The following CYP4X1 variants were observed in gnomAD, a reference collection of about 807,000 sequenced individuals.
CYP4X1 encodes cytochrome P450 family 4 subfamily X member 1.
In CYP4X1, 44 loss-of-function variants were observed where a neutral mutation model predicts 57.9. The ratio of observed to expected loss-of-function variants is 0.76; its 90% CI spans 0.60 to 0.98. The LOEUF is 0.98. Among genes scored for constraint, CYP4X1 ranks in the 50% least tolerant of loss-of-function variants. The pLI, the probability that CYP4X1 is intolerant of heterozygous loss-of-function variation, is 0.00. For synonymous variants in CYP4X1, 227 were observed against 228.6 expected (o/e 0.99, Z 0.06); for missense variants, 532 against 623.9 (o/e 0.85, Z 1.57).
Position 47,038,714 on chromosome 1 carries a change from A to C in CYP4X1, c.830A>C (p.Asn277Thr). Residue 277 changes from asparagine to threonine, a missense_variant, in exon 7 of 12, where the codon AAC becomes ACC. Coordinates refer to ENST00000371901, the MANE Select transcript of CYP4X1 (RefSeq NM_178033.2). ...KSLQAGVKQD[N>T]TPKRKYQDFL... ...CTCCAGGCTGGGGTAAAGCAGGATA[A>C]CACTCCGAAGAGGAAGTACCAGGAT... 1 of 1,611,874 alleles carries C rather than the reference A, an allele frequency of 6.2e-7. No homozygotes were observed. The highest frequency in any genetic ancestry group is 8.5e-7 in the Non-Finnish European group (1 of 1,179,010).
the CYP4X1 span, among the ~76,000 whole-genome samples, chr1:46,989,429 T>C: frequency 2.4e-4 from 37 of 152,130 alleles, no homozygotes; most frequent in Non-Finnish European, 4.6e-4. Context: ...GAACATTCCA[T>C]ACTCATGGAT....
intron 2 of CYP4X1, among the ~76,000 whole-genome samples, chr1:47,030,752 T>A (rs1644116011): frequency 6.6e-6 from 1 of 152,226 alleles, no homozygotes. Flanking sequence ...GGTTTTTATA[T>A]TCCAGTCTTC....
chr1:46,987,925 G>C, the CYP4X1 span, among the ~76,000 whole-genome samples: 3 of 152,114 alleles, frequency 2.0e-5, no homozygotes, highest in African/African-American at 7.2e-5. Context: ...GCCCACAAGA[G>C]AAAGTAGAAA....
chr1:46,976,536 AG>A, the CYP4X1 span, among the ~76,000 whole-genome samples: 1 of 152,196 alleles, frequency 6.6e-6, no homozygotes, highest in Non-Finnish European at 1.5e-5. Context: ...GCTGAACAAA[AG>A]GTAGCAGAAA....
chr1:46,989,521 G>A, the CYP4X1 span, among the ~76,000 whole-genome samples: 1 of 152,110 alleles, frequency 6.6e-6, no homozygotes, highest in Non-Finnish European at 1.5e-5. Context: ...AGCTACCATT[G>A]ACTTTCTTCA....
the CYP4X1 span, among the ~76,000 whole-genome samples, chr1:46,977,644 C>T: frequency 1.1e-4 from 16 of 151,940 alleles, no homozygotes; most frequent in East Asian, 3.9e-4. Flanking sequence ...AGATACTCCA[C>T]GACAAGAGCA....
At chr1:47,051,155 G>A (rs1644357439), downstream of CYP4X1, among the ~76,000 whole-genome samples, 1 of 152,184 alleles carries the variant, frequency 6.6e-6, no homozygotes, top group Non-Finnish European at 1.5e-5. Context: ...GGCCATCAGA[G>A]AAATGCAAAT....
the CYP4X1 span, among the ~76,000 whole-genome samples, chr1:46,974,781 TG>T: frequency 1.3e-5 from 2 of 152,192 alleles, no homozygotes; most frequent in African/African-American, 4.8e-5. Flanking sequence ...TCTATTTTCT[TG>T]GTAGATCTTT....
chr1:47,009,046 C>T, the CYP4X1 span, among the ~76,000 whole-genome samples: 1 of 152,182 alleles, frequency 6.6e-6, no homozygotes, highest in African/African-American at 2.4e-5. Context: ...AGGAATTGAA[C>T]TCAGCTCTGC....
chr1:46,993,179 G>T, the CYP4X1 span, among the ~76,000 whole-genome samples: 1 of 148,122 alleles, frequency 6.8e-6, no homozygotes. Context: ...GAGAACATGC[G>T]GTGTTTGGTT....
At chr1:47,039,723 A>T (rs956847594) in intron 8 of CYP4X1, 191 bp downstream of exon 8, 1 of 373,700 alleles carries the variant, frequency 2.7e-6, no homozygotes, top group Non-Finnish European at 4.6e-6. Flanking sequence ...AAAAAAAAAA[A>T]GTTTATTTAT....
rs370801040 is a variant in CYP4X1, at chr1:47,026,916, C to T, written c.177+2922C>T. ...ATTTTCAGTAGAGACGGGGTTTCACCATATTGGCCAGGCTAGTCTCGAACT... is the reference window on the plus strand; with the variant it reads ...ATTTTCAGTAGAGACGGGGTTTCACTATATTGGCCAGGCTAGTCTCGAACT... On this transcript the variant is annotated intron_variant, in intron 1 of 11. Coordinates refer to ENST00000371901, the MANE Select transcript of CYP4X1 (RefSeq NM_178033.2). 3.7e-3 allele frequency among the ~76,000 whole-genome samples: 560 copies of T among 151,472 alleles called. 8 individuals are homozygous for T. Among genetic ancestry groups the T allele is most frequent in the African/African-American group, 0.013 (531 of 41,500 alleles).
the CYP4X1 span, among the ~76,000 whole-genome samples, chr1:46,964,359 T>A: frequency 1.3e-5 from 2 of 152,188 alleles, no homozygotes; most frequent in African/African-American, 4.8e-5. Flanking sequence ...TTTTATCCCC[T>A]TCTTTGTGGT....
the CYP4X1 span, among the ~76,000 whole-genome samples, chr1:47,006,773 C>T: frequency 6.6e-6 from 1 of 152,198 alleles, no homozygotes; most frequent in African/African-American, 2.4e-5. Context: ...AACGGCACAC[C>T]AGGAGATTAT....
chr1:47,054,420 A>T (rs575258354), downstream of CYP4X1, among the ~76,000 whole-genome samples: 363 of 152,154 alleles, frequency 2.4e-3, 1 homozygote, highest in Admixed American at 4.8e-3. Flanking sequence ...TTGGTTCCAT[A>T]TGAACTTTAA....
At chr1:46,977,839 G>A in the CYP4X1 span, among the ~76,000 whole-genome samples, 13 of 152,014 alleles carry the variant, frequency 8.6e-5, no homozygotes, top group Admixed American at 3.9e-4. Flanking sequence ...TTAAAAAAAA[G>A]AATTTTCAAC....
chr1:46,994,660 T>C, the CYP4X1 span, among the ~76,000 whole-genome samples: 1 of 152,174 alleles, frequency 6.6e-6, no homozygotes, highest in Non-Finnish European at 1.5e-5. Context: ...CAGAATTGAT[T>C]GATTGTGCAG....
chr1:47,017,550 A>G, the CYP4X1 span, among the ~76,000 whole-genome samples: 1 of 152,138 alleles, frequency 6.6e-6, no homozygotes, highest in East Asian at 1.9e-4. Flanking sequence ...GAAACTATGA[A>G]AGGAAAATAT....
chr1:47,034,844 G>C (rs983701435), intron 4 of CYP4X1, among the ~76,000 whole-genome samples: 1 of 151,796 alleles, frequency 6.6e-6, no homozygotes, highest in Non-Finnish European at 1.5e-5. Flanking sequence ...ATATTTCTCC[G>C]GGATTTTTCT....
Sources: allele counts gnomAD v4.1 joint callset (sites outside exome capture counted in the v4.1 genomes callset), GRCh38; gene constraint gnomAD v4.1.1; transcripts MANE v1.5; gene names NCBI Gene and HGNC (gene_info 2026-07-23, HGNC 2026-07-21).